The following RUVBL2 variants were observed in gnomAD, a reference collection of about 807,000 sequenced individuals.
The protein encoded by RUVBL2 is ruvB-like 2.
RUVBL2 carries 9 observed loss-of-function variants against 57.9 expected under a neutral mutation model. The observed-to-expected ratio is 0.16, with a 90% confidence interval of 0.09 to 0.27. The LOEUF (loss-of-function observed/expected upper bound fraction) is 0.27, where lower values mean the gene tolerates loss of function less well. RUVBL2 is among the 10% of genes least tolerant of loss of function. RUVBL2 has a pLI of 1.00. For missense variants in RUVBL2, 456 were observed against 669.6 expected (o/e 0.68, Z 3.52); for synonymous variants, 278 against 264.6 (o/e 1.05, Z -0.49).
intron 6 of RUVBL2, among the ~76,000 whole-genome samples, chr19:49,009,036 C>G (rs980907586): frequency 4.0e-5 from 6 of 149,962 alleles, no homozygotes; most frequent in Non-Finnish European, 8.9e-5. Context: ...TGGCACACAT[C>G]TGTAATCCCA....
intron 6 of RUVBL2, 110 bp downstream of exon 6, chr19:49,007,478 G>T: frequency 1.1e-6 from 1 of 936,836 alleles, no homozygotes; most frequent in Non-Finnish European, 1.6e-6. Flanking sequence ...TGTTCTAGCT[G>T]CAGACTAGAG....
At chr19:49,007,487 AGC>A in intron 6 of RUVBL2, 119 bp downstream of exon 6, 1 of 853,860 alleles carries the variant, frequency 1.2e-6, no homozygotes. Context: ...TGCAGACTAG[AGC>A]CATGTACATG....
intron 4 of RUVBL2, among the ~76,000 whole-genome samples, chr19:49,005,307 A>C (rs910786839): frequency 2.6e-5 from 4 of 152,210 alleles, no homozygotes; most frequent in Admixed American, 1.3e-4. Flanking sequence ...CTCGGACTGG[A>C]CACTGGGGAC....
chr19:49,002,859 A>G (rs2122600957), intron 2 of RUVBL2, among the ~76,000 whole-genome samples: 1 of 152,228 alleles, frequency 6.6e-6, no homozygotes, highest in Admixed American at 6.5e-5. Flanking sequence ...TGCTGGGATT[A>G]TAGGCAGGAG....
At chr19:49,010,395 C>A in intron 8 of RUVBL2, 93 bp from the exon 9 acceptor site, 1 of 1,257,048 alleles carries the variant, frequency 8.0e-7, no homozygotes, top group Non-Finnish European at 1.1e-6. Flanking sequence ...TTTCCTGGAG[C>A]TCCAGTCTCC....
At chr19:49,004,042 A>G (rs1462591509) in intron 3 of RUVBL2, among the ~76,000 whole-genome samples, 4 of 144,238 alleles carry the variant, frequency 2.8e-5, no homozygotes, top group Non-Finnish European at 6.0e-5. Context: ...CTTGATCCCT[A>G]GAGGTCAAGG....
At position 49,011,575 on chromosome 19, in the gene RUVBL2, G is replaced by C. The variant is rs1028805521; in HGVS notation, c.1001+265G>C. Reference sequence around the variant, plus strand: ...AAACTGCGTGCCGAGGCACCCCAGGGTGCTGCAGGAAACTCACAGGAGTGC... The same window carrying C: ...AAACTGCGTGCCGAGGCACCCCAGGCTGCTGCAGGAAACTCACAGGAGTGC... On this transcript the variant is annotated intron_variant, in intron 11 of 14. Transcript: ENST00000595090. This position sits in a 1 kb window ranked among gnomAD's most constrained non-coding sequence, Gnocchi z 4.4. Among the ~76,000 whole-genome samples, 1 of 152,240 alleles carries C rather than the reference G, an allele frequency of 6.6e-6. No individual in the cohort carries two copies. The highest frequency in any genetic ancestry group is 2.4e-5 in the African/African-American group (1 of 41,454).
intron 2 of RUVBL2, 101 bp downstream of exon 2, chr19:48,999,474 T>C: frequency 8.3e-7 from 1 of 1,209,952 alleles, no homozygotes; most frequent in Non-Finnish European, 1.2e-6. Flanking sequence ...GGAGGTGGCC[T>C]GCACACCAAC....
chr19:49,007,127 G>A lies in RUVBL2; in HGVS notation c.375G>A (p.Arg125=), dbSNP rs772956646. 3 of 1,613,328 alleles carry A rather than the reference G, an allele frequency of 1.9e-6. No homozygotes were observed. Among genetic ancestry groups the A allele is most frequent in the South Asian group, 1.1e-5 (1 of 91,092 alleles). The change falls in exon 5 of 15, where the codon CGG becomes CGA. Residue 125 remains arginine (R), a synonymous_variant. Transcript: ENST00000595090. The stretch of plus-strand genomic sequence containing the variant: ...AGGCGCTGACGCAGGCCTTCCGGCG[G>A]TCCATCGGCGTTCGCATCAAGTAAG... ...KTEALTQAFR[R]SIGVRIKEET...
chr19:49,012,809 G>T (rs142691370), intron 11 of RUVBL2, among the ~76,000 whole-genome samples: 2 of 149,938 alleles, frequency 1.3e-5, no homozygotes, highest in African/African-American at 5.0e-5. Flanking sequence ...GAGTGCAGAG[G>T]CACGATCATG....
chr19:49,009,392 C>T (rs1382739029), intron 6 of RUVBL2, among the ~76,000 whole-genome samples: 1 of 151,338 alleles, frequency 6.6e-6, no homozygotes, highest in Non-Finnish European at 1.5e-5. Context: ...GAGGCTGAGG[C>T]AGGAGAATGG....
At chr19:48,993,748 C>T, upstream of RUVBL2, 1 of 857,164 alleles carries the variant, frequency 1.2e-6, no homozygotes, top group South Asian at 1.5e-5. Context: ...AGCGCAGCCT[C>T]GGTGGGAGGG....
chr19:48,998,279 G>A (rs2039103627), intron 1 of RUVBL2, among the ~76,000 whole-genome samples: 1 of 152,166 alleles, frequency 6.6e-6, no homozygotes, highest in South Asian at 2.1e-4. Flanking sequence ...AGGCCTGGTG[G>A]TTGAGAACTG....
intron 1 of RUVBL2, among the ~76,000 whole-genome samples, chr19:48,998,720 A>G (rs1269075848): frequency 2.7e-5 from 4 of 149,672 alleles, no homozygotes; most frequent in South Asian, 2.1e-4. Flanking sequence ...AAAATAAGAA[A>G]AAAAAAAAAG....
chr19:49,011,155 A>T lies in RUVBL2; in HGVS notation c.883-37A>T, dbSNP rs779764400. 1 of 1,610,314 alleles carries T rather than the reference A, an allele frequency of 6.2e-7. No homozygotes were observed. Among genetic ancestry groups the T allele is most frequent in the South Asian group, 1.1e-5 (1 of 90,896 alleles). ...GTGGAGGTGGGCCGGGGAAGTGGGG[A>T]CGCGGGTGGTGACTCTCACACACAC... On this transcript the variant is annotated intron_variant, in intron 10 of 14. Transcript: ENST00000595090. The surrounding 1 kb of genome is among the most constrained non-coding windows in gnomAD (Gnocchi z 4.4).
Position 49,014,727 on chromosome 19 carries a change from C to T in RUVBL2, c.1121+124C>T, listed in dbSNP as rs148857320. ...TGGGCCTACAGGAGAGAGGGCTGAG[C>T]GGGCACCCAGACGGTGGCCTCCGAT... On this transcript the variant is annotated intron_variant, in intron 12 of 14. Transcript: ENST00000595090. The T allele has an allele frequency of 6.3e-4, 847 of 1,338,820 alleles. 4 individuals carry two copies. Among genetic ancestry groups the T allele is most frequent in the Non-Finnish European group, 5.5e-4 (546 of 987,144 alleles). 82.9% of individuals were successfully genotyped at this position (1,338,820 alleles called of 1,614,324 possible).
At chr19:48,996,168 C>T (rs1231152792) in intron 1 of RUVBL2, among the ~76,000 whole-genome samples, 1 of 151,454 alleles carries the variant, frequency 6.6e-6, no homozygotes, top group Non-Finnish European at 1.5e-5. Context: ...AAAACACAAA[C>T]CTGTGGGAAG....
intron 2 of RUVBL2, chr19:49,001,430 G>A (rs1311619988): frequency 6.7e-6 from 1 of 149,768 alleles, no homozygotes; most frequent in Non-Finnish European, 1.5e-5. Context: ...CCAAAGTGCT[G>A]GAATTACAGG....
intron 13 of RUVBL2, 136 bp from the exon 14 acceptor site, chr19:49,015,436 A>G (rs1391748294): frequency 3.8e-6 from 3 of 779,382 alleles, no homozygotes; most frequent in Non-Finnish European, 6.4e-6. Context: ...ATTTGAACCC[A>G]GGCAATCTGG....
Sources: allele counts gnomAD v4.1 joint callset (sites outside exome capture counted in the v4.1 genomes callset), GRCh38; gene constraint gnomAD v4.1.1; non-coding constraint Gnocchi (gnomAD v3.1); transcripts MANE v1.5; gene names NCBI Gene and HGNC (gene_info 2026-07-23, HGNC 2026-07-21).